Variants in FHIT observed in about 807,000 individuals in gnomAD.
FHIT encodes bis(5'-adenosyl)-triphosphatase.
In FHIT, 19 loss-of-function variants were observed where a neutral mutation model predicts 17.9. The observed-to-expected ratio is 1.06, with a 90% CI of 0.74 to 1.56. The LOEUF is 1.56. Among genes scored for constraint, FHIT ranks in the 40% most tolerant of loss-of-function variants. FHIT has a pLI of 0.00. For missense variants in FHIT, 248 were observed against 189.2 expected (o/e 1.31, Z -1.82); for synonymous variants, 81 against 69.7 (o/e 1.16, Z -0.81).
chr3:61,136,937 G>A (rs1160639147), intron 2 of FHIT, among the ~76,000 whole-genome samples: 1 of 152,216 alleles, frequency 6.6e-6, no homozygotes, highest in Non-Finnish European at 1.5e-5. Flanking sequence ...TAGAAGATAA[G>A]GTGGCAAAAA....
At chr3:60,291,362 C>G (rs1707975249) in intron 5 of FHIT, among the ~76,000 whole-genome samples, 1 of 152,132 alleles carries the variant, frequency 6.6e-6, no homozygotes, top group Admixed American at 6.5e-5. Context: ...ATGCAAATTT[C>G]TGGTCGCCTC....
chr3:61,117,716 T>C (rs2036340986), intron 2 of FHIT, among the ~76,000 whole-genome samples: 1 of 152,214 alleles, frequency 6.6e-6, no homozygotes, highest in Non-Finnish European at 1.5e-5. Context: ...TGGACCTAGC[T>C]AGAGTAGATC....
At chr3:61,175,302 G>A (rs1052072081) in intron 2 of FHIT, among the ~76,000 whole-genome samples, 2 of 152,006 alleles carry the variant, frequency 1.3e-5, no homozygotes, top group African/African-American at 4.8e-5. Flanking sequence ...ATACTCCCGA[G>A]CCACCACAAA....
chr3:60,778,977 G>A (rs1332188826), intron 4 of FHIT, among the ~76,000 whole-genome samples: 5 of 152,150 alleles, frequency 3.3e-5, no homozygotes, highest in Non-Finnish European at 5.9e-5. Flanking sequence ...GACCTTAAGA[G>A]GAGAGGATCA....
At chr3:60,534,485 A>G (rs1229978614) in intron 5 of FHIT, among the ~76,000 whole-genome samples, 2 of 148,046 alleles carry the variant, frequency 1.4e-5, no homozygotes, top group East Asian at 4.0e-4. Context: ...CAGTTGTAAC[A>G]TGGCAGAGTT....
At chr3:60,087,077 TCATGCAAAAACTGA>T (rs961783279) in intron 5 of FHIT, among the ~76,000 whole-genome samples, 1 of 152,166 alleles carries the variant, frequency 6.6e-6, no homozygotes, top group Non-Finnish European at 1.5e-5. Context: ...AGACGTAACG[TCATGCAAAAACTGA>T]CAAGGCTCAT....
chr3:59,791,675 A>G (rs1699568117), intron 8 of FHIT, among the ~76,000 whole-genome samples: 1 of 152,080 alleles, frequency 6.6e-6, no homozygotes, highest in South Asian at 2.1e-4. Flanking sequence ...TGTATTCCCA[A>G]TGCTGAGTAT....
Position 60,000,028 on chromosome 3 carries a change from T to C in FHIT, c.279+11343A>G, listed in dbSNP as rs557240849. ...TCTCTGCCATGTCAGCCTCAGCATC[T>C]GTTTTGCTCTGAGGCATGTTGCCCT... On this transcript the variant is annotated intron_variant, in intron 7 of 9. Coordinates refer to ENST00000492590, the MANE Select transcript of FHIT (RefSeq NM_002012.4). Among the ~76,000 whole-genome samples the C allele has an allele frequency of 2.0e-5, 3 of 152,298 alleles. No individual in the cohort carries two copies. The South Asian group carries it at 6.2e-4, about 32-fold the overall frequency.
intron 5 of FHIT, among the ~76,000 whole-genome samples, chr3:60,471,671 T>C (rs72880359): frequency 0.04 from 6,153 of 152,292 alleles, 415 homozygotes; most frequent in African/African-American, 0.14. Flanking sequence ...TAAAACCAGA[T>C]ACTGCAATCA....
chr3:60,973,243 G>C (rs904201338), intron 3 of FHIT, among the ~76,000 whole-genome samples: 2 of 152,080 alleles, frequency 1.3e-5, no homozygotes, highest in African/African-American at 4.8e-5. Flanking sequence ...AGTTGAGGCT[G>C]GTATATTTCC....
chr3:60,281,548 C>T (rs1378196214), intron 5 of FHIT, among the ~76,000 whole-genome samples: 3 of 151,374 alleles, frequency 2.0e-5, no homozygotes, highest in East Asian at 2.0e-4. Flanking sequence ...AAACAACTTG[C>T]CCTGGACAGA....
chr3:60,299,366 T>C (rs1243234959), intron 5 of FHIT, among the ~76,000 whole-genome samples: 1 of 152,144 alleles, frequency 6.6e-6, no homozygotes, highest in Non-Finnish European at 1.5e-5. Context: ...GGGTTTTTCC[T>C]ACTATTTTCA....
chr3:59,918,000 C>T (rs1391671651), intron 8 of FHIT, among the ~76,000 whole-genome samples: 1 of 152,208 alleles, frequency 6.6e-6, no homozygotes, highest in Admixed American at 6.5e-5. Flanking sequence ...CAGAGTACCA[C>T]AATTTGTAGC....
At chr3:60,925,924 G>C (rs1248410813) in intron 3 of FHIT, among the ~76,000 whole-genome samples, 3 of 152,096 alleles carry the variant, frequency 2.0e-5, no homozygotes, top group Non-Finnish European at 4.4e-5. Flanking sequence ...CTGATAAACA[G>C]ACTTTAAACC....
At chr3:59,953,492 T>A (rs577771906) in intron 7 of FHIT, among the ~76,000 whole-genome samples, 2 of 152,348 alleles carry the variant, frequency 1.3e-5, no homozygotes, top group South Asian at 4.1e-4. Context: ...CTCTTCTGCA[T>A]TGCCACGCAG....
intron 8 of FHIT, among the ~76,000 whole-genome samples, chr3:59,812,020 C>G (rs1700424270): frequency 6.6e-6 from 1 of 152,122 alleles, no homozygotes; most frequent in Non-Finnish European, 1.5e-5. Context: ...GATCTATACA[C>G]AGTGGTTCTC....
chr3:60,549,954 G>A (rs1222662577), intron 4 of FHIT, among the ~76,000 whole-genome samples: 1 of 152,172 alleles, frequency 6.6e-6, no homozygotes, highest in Non-Finnish European at 1.5e-5. Context: ...AATCCTAGAA[G>A]GCACGAATGT....
chr3:60,838,428 C>T (rs943942088), intron 3 of FHIT, among the ~76,000 whole-genome samples: 18 of 152,078 alleles, frequency 1.2e-4, no homozygotes, highest in African/African-American at 3.9e-4. Context: ...GTCGAGATCG[C>T]GCCACCGCAC....
chr3:60,658,641 CTG>C (rs1277861203), intron 4 of FHIT, among the ~76,000 whole-genome samples: 1 of 152,012 alleles, frequency 6.6e-6, no homozygotes, highest in Non-Finnish European at 1.5e-5. Context: ...AAAATATAAA[CTG>C]ATATTTTAAA....
Sources: gnomAD v4.1 joint callset for allele counts (sites outside exome capture counted in the v4.1 genomes callset) on GRCh38, gnomAD v4.1.1 for gene constraint, MANE v1.5 for transcripts, NCBI Gene and HGNC (gene_info 2026-07-23, HGNC 2026-07-21) for gene names.